The following LYPD6 variants were observed in gnomAD, a reference collection of about 807,000 sequenced individuals.
LYPD6 encodes ly6/PLAUR domain-containing protein 6.
LYPD6 carries 15 observed loss-of-function variants against 22.7 expected under a neutral mutation model. That is an observed-to-expected ratio of 0.66 (90% CI 0.44 to 1.02). The LOEUF (loss-of-function observed/expected upper bound fraction) is 1.02. LYPD6 is among the 50% of genes least tolerant of loss of function. The pLI is 0.00. For synonymous variants in LYPD6, 72 were observed against 77.5 expected (o/e 0.93, Z 0.37); for missense variants, 189 against 208.4 (o/e 0.91, Z 0.57).
intron 2 of LYPD6, among the ~76,000 whole-genome samples, chr2:149,446,680 A>G (rs1444802339): frequency 6.6e-6 from 1 of 152,122 alleles, no homozygotes; most frequent in African/African-American, 2.4e-5. Flanking sequence ...CATTCTGTTT[A>G]TGAATTTGAG....
At chr2:149,376,717 T>C (rs1168859765) in intron 1 of LYPD6, among the ~76,000 whole-genome samples, 1 of 152,234 alleles carries the variant, frequency 6.6e-6, no homozygotes, top group Non-Finnish European at 1.5e-5. Context: ...ATACAATTTC[T>C]TATCTGGGAT....
At chr2:149,419,852 CTG>C (rs1559145651) in intron 1 of LYPD6, among the ~76,000 whole-genome samples, 1 of 149,492 alleles carries the variant, frequency 6.7e-6, no homozygotes, top group Non-Finnish European at 1.5e-5. Context: ...GTGTGTGTGT[CTG>C]TGTTTCTTTC....
At chr2:149,421,479 C>G (rs1683078386) in intron 1 of LYPD6, among the ~76,000 whole-genome samples, 1 of 151,340 alleles carries the variant, frequency 6.6e-6, no homozygotes, top group Non-Finnish European at 1.5e-5. Flanking sequence ...ATTACCCCTA[C>G]TACACTGAGT....
At chr2:149,407,740 G>T (rs1262746516) in intron 1 of LYPD6, among the ~76,000 whole-genome samples, 3 of 152,208 alleles carry the variant, frequency 2.0e-5, no homozygotes, top group Admixed American at 6.5e-5. Context: ...ACTTGTGAAA[G>T]TCATCCTCCT....
intron 1 of LYPD6, among the ~76,000 whole-genome samples, chr2:149,402,587 G>C (rs1029511042): frequency 3.3e-5 from 5 of 152,092 alleles, no homozygotes; most frequent in Non-Finnish European, 7.4e-5. Flanking sequence ...GCAGGAGTGA[G>C]TTGGTATTAT....
At chr2:149,390,375 G>C (rs1435293838) in intron 1 of LYPD6, among the ~76,000 whole-genome samples, 2 of 152,198 alleles carry the variant, frequency 1.3e-5, no homozygotes, top group Non-Finnish European at 2.9e-5. Flanking sequence ...TAGCTGTGAA[G>C]CTAAATGCTC....
intron 4 of LYPD6, among the ~76,000 whole-genome samples, chr2:149,469,836 G>C (rs1681290062): frequency 6.6e-6 from 1 of 152,154 alleles, no homozygotes; most frequent in Non-Finnish European, 1.5e-5. Context: ...CTGGTTTGGA[G>C]TCTACCTCCG....
intron 1 of LYPD6, among the ~76,000 whole-genome samples, chr2:149,401,080 CTT>C (rs1163805880): frequency 1.3e-5 from 2 of 152,202 alleles, no homozygotes; most frequent in Non-Finnish European, 2.9e-5. Context: ...GCAAAGCTTT[CTT>C]GGAAGGCCTG....
intron 1 of LYPD6, among the ~76,000 whole-genome samples, chr2:149,408,286 C>A (rs984309117): frequency 7.9e-5 from 12 of 152,066 alleles, no homozygotes; most frequent in Non-Finnish European, 1.8e-4. Flanking sequence ...GGGACATTTT[C>A]AATATGTTTT....
intron 3 of LYPD6, among the ~76,000 whole-genome samples, chr2:149,461,091 TCAAA>T (rs1472864468): frequency 6.6e-6 from 1 of 151,190 alleles, no homozygotes; most frequent in Admixed American, 6.6e-5. Flanking sequence ...AAACCAAAAG[TCAAA>T]CAAAGCAAGA....
At chr2:149,456,580 A>G (rs1269702100) in intron 3 of LYPD6, among the ~76,000 whole-genome samples, 2 of 152,218 alleles carry the variant, frequency 1.3e-5, no homozygotes, top group African/African-American at 2.4e-5. Context: ...GAGGTCATTC[A>G]GGTGGGCCCT....
intron 2 of LYPD6, among the ~76,000 whole-genome samples, chr2:149,445,362 G>C (rs571146728): frequency 1.4e-4 from 22 of 152,296 alleles, no homozygotes; most frequent in Admixed American, 1.3e-3. Context: ...TTCACCAGCT[G>C]TATTAGCACC....
In LYPD6 at chr2:149,437,664, G is replaced by C; in HGVS notation, c.-45G>C. 6.2e-7 allele frequency: 1 copy of C among 1,607,118 alleles called. No homozygotes were observed. Among genetic ancestry groups the C allele is most frequent in the East Asian group, 2.2e-5 (1 of 44,706 alleles). On this transcript the variant is annotated 5_prime_UTR_variant, in exon 2 of 5. Transcript: ENST00000334166. ...TGCAAGTTCTCTCCTGTTGCCCTGA[G>C]TGCCCACTCCCAGGCCCTCTGTATG...
chr2:149,335,664 C>T (rs540645163), intron 1 of LYPD6, among the ~76,000 whole-genome samples: 47 of 152,262 alleles, frequency 3.1e-4, no homozygotes, highest in Non-Finnish European at 4.9e-4. Context: ...ACTCACTTGC[C>T]ACTCACTCAC....
At chr2:149,347,638 T>A (rs1681281993) in intron 1 of LYPD6, among the ~76,000 whole-genome samples, 1 of 152,238 alleles carries the variant, frequency 6.6e-6, no homozygotes, top group South Asian at 2.1e-4. Flanking sequence ...TCCTTTTTCA[T>A]ATTTTTTGAG....
intron 1 of LYPD6, among the ~76,000 whole-genome samples, chr2:149,400,900 C>A (rs1315442907): frequency 6.6e-6 from 1 of 152,186 alleles, no homozygotes; most frequent in Non-Finnish European, 1.5e-5. Flanking sequence ...AATATGAAGA[C>A]TGGTAGTGGG....
rs183944867 is a variant in LYPD6 at position 149,398,455 on chromosome 2, A to G, written c.-71-39183A>G. Reference sequence around the variant, plus strand: ...TGTGTGTGTGTGTGTGTGTATGTGTATGTGCACACTCGTTTTGTTGTTTTT... The same window carrying G: ...TGTGTGTGTGTGTGTGTGTATGTGTGTGTGCACACTCGTTTTGTTGTTTTT... On this transcript the variant is annotated intron_variant, in intron 1 of 4. Coordinates refer to ENST00000334166, the MANE Select transcript of LYPD6 (RefSeq NM_194317.5). 1.2e-3 allele frequency among the ~76,000 whole-genome samples: 175 copies of G among 148,394 alleles called. 1 individual carries two copies. The East Asian group carries it at 0.034, about 28-fold the overall frequency.
intron 3 of LYPD6, among the ~76,000 whole-genome samples, chr2:149,459,957 G>A (rs991570997): frequency 2.2e-4 from 33 of 151,744 alleles, no homozygotes; most frequent in African/African-American, 7.7e-4. Context: ...ATAAAAAGAG[G>A]TAAGTTTTGT....
intron 1 of LYPD6, among the ~76,000 whole-genome samples, chr2:149,389,895 T>G (rs1682272812): frequency 6.6e-6 from 1 of 152,204 alleles, no homozygotes; most frequent in Admixed American, 6.5e-5. Flanking sequence ...CTGTCATTTG[T>G]ATGGTTAGCA....
Sources: allele counts gnomAD v4.1 joint callset (sites outside exome capture counted in the v4.1 genomes callset), GRCh38; gene constraint gnomAD v4.1.1; transcripts MANE v1.5; gene names NCBI Gene and HGNC (gene_info 2026-07-23, HGNC 2026-07-21).